DISC1: variants seen among roughly 807,000 people sequenced by gnomAD.
The protein encoded by DISC1 is DISC1 scaffold protein.
Under a neutral mutation model 84.5 loss-of-function variants are expected in DISC1, and 57 were observed. The observed-to-expected ratio is 0.67, with a 90% CI of 0.55 to 0.84. DISC1 has a LOEUF of 0.84. DISC1 is among the 40% of genes least tolerant of loss of function. The pLI, the probability that DISC1 is intolerant of heterozygous loss-of-function variation, is 0.00. For missense variants in DISC1, 1,000 were observed against 1,057.8 expected (o/e 0.95, Z 0.76); for synonymous variants, 411 against 415.2 (o/e 0.99, Z 0.12).
intron 3 of DISC1, among the ~76,000 whole-genome samples, chr1:231,725,929 A>C (rs2070617213): frequency 6.6e-6 from 1 of 152,082 alleles, no homozygotes; most frequent in African/African-American, 2.4e-5. Flanking sequence ...GTAGCCTAGC[A>C]TTGTTAGGGA....
At chr1:231,742,924 T>G (rs2073489809) in intron 3 of DISC1, among the ~76,000 whole-genome samples, 1 of 152,164 alleles carries the variant, frequency 6.6e-6, no homozygotes, top group Non-Finnish European at 1.5e-5. Flanking sequence ...AAGTAGTAGC[T>G]TTTGATGCCT....
intron 4 of DISC1, chr1:231,750,554 T>C (rs768059445): frequency 1.3e-5 from 13 of 987,222 alleles, no homozygotes; most frequent in African/African-American, 1.7e-5. Flanking sequence ...TAGTAATATA[T>C]AGAGAGCAGT....
chr1:231,933,255 A>G (rs149302928), intron 9 of DISC1, among the ~76,000 whole-genome samples: 2 of 152,338 alleles, frequency 1.3e-5, no homozygotes, highest in East Asian at 3.9e-4. Flanking sequence ...AACCTAGGTT[A>G]GCCTGAGTTC....
chr1:231,847,190 T>C (rs1266052138), intron 9 of DISC1, among the ~76,000 whole-genome samples: 1 of 152,022 alleles, frequency 6.6e-6, no homozygotes, highest in Non-Finnish European at 1.5e-5. Context: ...CGGATGGCTG[T>C]CTTCTCCCTG....
intron 9 of DISC1, among the ~76,000 whole-genome samples, chr1:231,909,738 G>T (rs577354263): frequency 5.4e-4 from 83 of 152,294 alleles, no homozygotes; most frequent in African/African-American, 2.0e-3. Flanking sequence ...AATAGTTTCA[G>T]AAGGAATGGT....
rs1572975549 is a variant in DISC1 at position 231,698,374 on chromosome 1, G to T, written c.1047+3569G>T. Among the ~76,000 whole-genome samples, 1 of 152,340 alleles carries T rather than the reference G, an allele frequency of 6.6e-6. No homozygotes were observed. The highest frequency in any genetic ancestry group is 1.9e-4 in the East Asian group (1 of 5,186). ...TCCAGGGGTTGCATGGGACTGAGAA[G>T]ATGGTAATAAAGGTAGTTGGTGACC... On this transcript the variant is annotated intron_variant, in intron 2 of 12. Transcript: ENST00000439617. The surrounding 1 kb of genome is among the most constrained non-coding windows in gnomAD (Gnocchi z 4.9).
chr1:231,977,585 T>G (rs1235178169), intron 10 of DISC1, among the ~76,000 whole-genome samples: 1 of 152,196 alleles, frequency 6.6e-6, no homozygotes, highest in Non-Finnish European at 1.5e-5. Context: ...ATCATCTCCA[T>G]CTCAAGATCT....
intron 9 of DISC1, among the ~76,000 whole-genome samples, chr1:231,870,221 G>A (rs1055726470): frequency 1.3e-5 from 2 of 152,186 alleles, no homozygotes; most frequent in Admixed American, 1.3e-4. Flanking sequence ...ACACCAAGAG[G>A]CAAAGGCCAG....
chr1:231,798,016 C>G (rs2738887), intron 7 of DISC1, among the ~76,000 whole-genome samples: 110,487 of 151,400 alleles, frequency 0.73, 40,611 homozygotes, highest in Admixed American at 0.78. Flanking sequence ...ACACAAAACA[C>G]CTTTCTCTGT....
At chr1:231,994,560 C>A (rs1665647127) in intron 10 of DISC1, among the ~76,000 whole-genome samples, 1 of 152,154 alleles carries the variant, frequency 6.6e-6, no homozygotes, top group African/African-American at 2.4e-5. Context: ...TACAATGTAG[C>A]AATACCATCT....
rs1184866086 is a variant in DISC1, at chr1:232,037,038, T to A, written c.*207T>A. 2 of 438,192 alleles carry A rather than the reference T, an allele frequency of 4.6e-6. No homozygotes were observed. The highest frequency in any genetic ancestry group is 7.6e-6 in the Non-Finnish European group (2 of 262,950). The allele number at this position is 438,192 out of a possible 1,614,324, so 27.1% of individuals were successfully genotyped here. On this transcript the variant is annotated 3_prime_UTR_variant, in exon 13 of 13. Transcript: ENST00000439617. ...TGGAATATGGAGAGAGAGACTGATT[T>A]GCTGAATTTCCTTCTAAATGTCACT...
At chr1:231,957,888 A>G (rs1188716002) in intron 9 of DISC1, among the ~76,000 whole-genome samples, 1 of 152,220 alleles carries the variant, frequency 6.6e-6, no homozygotes, top group East Asian at 1.9e-4. Context: ...AGTAGCATGA[A>G]TCTGGGCAGC....
intron 9 of DISC1, among the ~76,000 whole-genome samples, chr1:231,883,535 G>A (rs373553903): frequency 1.3e-5 from 2 of 152,252 alleles, no homozygotes; most frequent in African/African-American, 4.8e-5. Context: ...AGGAGTCTGT[G>A]TGCCAAGCCA....
At chr1:231,926,276 G>A (rs1209894309) in intron 9 of DISC1, among the ~76,000 whole-genome samples, 1 of 152,022 alleles carries the variant, frequency 6.6e-6, no homozygotes, top group Non-Finnish European at 1.5e-5. Context: ...AATACCTTTG[G>A]GATCAATAGA....
chr1:232,007,026 A>T (rs1315410298), intron 10 of DISC1, among the ~76,000 whole-genome samples: 1 of 152,156 alleles, frequency 6.6e-6, no homozygotes. Context: ...GTGGTGTTGG[A>T]CCTGTGAGTG....
At chr1:231,802,204 A>G (rs2079325250) in intron 8 of DISC1, among the ~76,000 whole-genome samples, 1 of 152,080 alleles carries the variant, frequency 6.6e-6, no homozygotes, top group African/African-American at 2.4e-5. Flanking sequence ...CTCATCTCAA[A>G]TTGTAATCCC....
chr1:231,802,192 A>C (rs1487391104), intron 8 of DISC1, among the ~76,000 whole-genome samples: 1 of 152,066 alleles, frequency 6.6e-6, no homozygotes, highest in African/African-American at 2.4e-5. Context: ...CCCTACCCAA[A>C]TCTCATCTCA....
chr1:231,834,442 G>A (rs1326448028), intron 9 of DISC1, among the ~76,000 whole-genome samples: 1 of 152,166 alleles, frequency 6.6e-6, no homozygotes, highest in African/African-American at 2.4e-5. Flanking sequence ...ATGTGTAAAA[G>A]AATGTCTGGA....
chr1:231,921,413 A>G (rs1440010495), intron 9 of DISC1, among the ~76,000 whole-genome samples: 2 of 152,218 alleles, frequency 1.3e-5, no homozygotes, highest in East Asian at 3.8e-4. Context: ...AGGGTGATAG[A>G]GATACTGACC....
Sources: allele counts gnomAD v4.1 joint callset (sites outside exome capture counted in the v4.1 genomes callset), GRCh38; gene constraint gnomAD v4.1.1; non-coding constraint Gnocchi (gnomAD v3.1); transcripts MANE v1.5; gene names NCBI Gene and HGNC (gene_info 2026-07-23, HGNC 2026-07-21).